The following MACROD2 variants were observed in gnomAD, a reference collection of about 807,000 sequenced individuals.
The protein encoded by MACROD2 is ADP-ribose glycohydrolase MACROD2.
MACROD2 carries 36 observed loss-of-function variants against 70.4 expected under a neutral mutation model. The observed-to-expected ratio is 0.51, with a 90% CI of 0.39 to 0.68. The LOEUF (loss-of-function observed/expected upper bound fraction) is 0.68, where lower values mean the gene tolerates loss of function less well. Among genes scored for constraint, MACROD2 ranks in the 30% least tolerant of loss-of-function variants. MACROD2 has a pLI of 0.00. For synonymous variants in MACROD2, 172 were observed against 178.8 expected (o/e 0.96, Z 0.30); for missense variants, 496 against 538.4 (o/e 0.92, Z 0.78).
intron 6 of MACROD2, among the ~76,000 whole-genome samples, chr20:15,278,497 G>T (rs900174912): frequency 6.6e-6 from 1 of 152,202 alleles, no homozygotes; most frequent in Non-Finnish European, 1.5e-5. Context: ...GCCCTGAGTC[G>T]TTGGGAAGTT....
chr20:14,072,805 A>G (rs990254940), intron 2 of MACROD2, among the ~76,000 whole-genome samples: 12 of 151,842 alleles, frequency 7.9e-5, no homozygotes, highest in Non-Finnish European at 1.0e-4. Context: ...GTGGTGGCGG[A>G]CGCCTATAGT....
At chr20:14,860,537 G>C (rs2073304109) in intron 5 of MACROD2, among the ~76,000 whole-genome samples, 1 of 152,116 alleles carries the variant, frequency 6.6e-6, no homozygotes. Context: ...CCTGCTCTCT[G>C]TGATCTGGGA....
At chr20:14,264,344 G>A (rs1173550063) in intron 3 of MACROD2, among the ~76,000 whole-genome samples, 1 of 152,128 alleles carries the variant, frequency 6.6e-6, no homozygotes, top group East Asian at 1.9e-4. Flanking sequence ...TTTGGAAGGG[G>A]AACAGTTCTA....
rs557708980 is a variant in MACROD2 at position 14,605,793 on chromosome 20, A to G, written c.302-79050A>G. 1.7e-3 allele frequency among the ~76,000 whole-genome samples: 254 copies of G among 152,232 alleles called. 1 individual carries two copies. The highest frequency in any genetic ancestry group is 5.7e-3 in the African/African-American group (237 of 41,552). ...TTGACTTATTGTTTTATGATAATCA[A>G]TTTTCTAAGAGTTACTTCTCAAAAT... On this transcript the variant is annotated intron_variant, in intron 4 of 17. Transcript: ENST00000684519.
chr20:14,686,006 T>C (rs760757285), intron 5 of MACROD2, among the ~76,000 whole-genome samples: 11 of 152,194 alleles, frequency 7.2e-5, no homozygotes, highest in African/African-American at 2.4e-4. Flanking sequence ...TGAGGACTTG[T>C]AGCAAATAGT....
intron 2 of MACROD2, among the ~76,000 whole-genome samples, chr20:14,067,123 GTTTTTTTTTTT>G (rs544348706): frequency 1.2e-5 from 1 of 85,048 alleles, no homozygotes; most frequent in African/African-American, 4.7e-5. Context: ...ATTTTTTAGT[GTTTTTTTTTTT>G]TTTTTTTTGA....
rs953357348 is a variant in MACROD2, at chr20:15,186,114, C to CT, written c.419-43818dup. Among the ~76,000 whole-genome samples, 44 of 152,082 alleles carry CT rather than the reference C, an allele frequency of 2.9e-4. 1 individual carries two copies. The highest frequency in any genetic ancestry group is 6.5e-4 in the African/African-American group (27 of 41,492). On this transcript the variant is annotated intron_variant, in intron 5 of 17. Coordinates refer to ENST00000684519, the MANE Select transcript of MACROD2 (RefSeq NM_001351661.2). ...TATGCTTATCATGCAGTGAAAACAC[C>CT]TTTTTTTTCTGGAGCGCCCTGAACT...
At chr20:15,506,086 C>T (rs1298597627) in intron 8 of MACROD2, among the ~76,000 whole-genome samples, 3 of 152,174 alleles carry the variant, frequency 2.0e-5, no homozygotes, top group Non-Finnish European at 4.4e-5. Context: ...GACAGATGTC[C>T]AGCTCGGCAA....
intron 3 of MACROD2, among the ~76,000 whole-genome samples, chr20:14,201,943 GCTAATAATATGTAAT>G: frequency 2.0e-5 from 3 of 151,340 alleles, no homozygotes; most frequent in African/African-American, 7.3e-5. Context: ...AATATATATT[GCTAATAATATGTAAT>G]TTAATATTTC....
At chr20:14,113,813 G>A (rs897254998) in intron 3 of MACROD2, among the ~76,000 whole-genome samples, 11 of 152,096 alleles carry the variant, frequency 7.2e-5, no homozygotes, top group Non-Finnish European at 1.5e-4. Flanking sequence ...TTTCTCTTAT[G>A]ATTCCCTTTG....
chr20:15,778,919 T>C (rs892851467), intron 8 of MACROD2, among the ~76,000 whole-genome samples: 4 of 152,148 alleles, frequency 2.6e-5, no homozygotes, highest in Non-Finnish European at 4.4e-5. Flanking sequence ...TGAAATATTA[T>C]GGAAACTTTA....
In MACROD2 at chr20:14,461,314, C is replaced by A. The variant is rs1050725556; in HGVS notation, c.272-32165C>A. Among the ~76,000 whole-genome samples the A allele has an allele frequency of 2.8e-4, 42 of 151,886 alleles. 3 individuals are homozygous for A. Among genetic ancestry groups the A allele is most frequent in the Admixed American group, 2.1e-3 (32 of 15,242 alleles). ...TATTGTGTCTATTTGATTCTTCTGT[C>A]TTTTCTTCTTTAACAGTCTGGCTAG... On this transcript the variant is annotated intron_variant, in intron 3 of 17. Transcript: ENST00000684519.
chr20:14,594,620 G>A (rs183093383), intron 4 of MACROD2, among the ~76,000 whole-genome samples: 4 of 152,274 alleles, frequency 2.6e-5, no homozygotes, highest in Admixed American at 6.5e-5. Flanking sequence ...AAGACTGGGC[G>A]CGGTGGCTCA....
intron 2 of MACROD2, among the ~76,000 whole-genome samples, chr20:14,002,709 G>C (rs2052750004): frequency 6.6e-6 from 1 of 151,974 alleles, no homozygotes; most frequent in Admixed American, 6.6e-5. Flanking sequence ...TTGCTGCTTT[G>C]GTGGTGTGGC....
At chr20:16,041,075 C>T (rs6135652) in intron 15 of MACROD2, 126 bp from the exon 16 acceptor site, 289,003 of 777,114 alleles carry the variant, frequency 0.37, 55,048 homozygotes, top group East Asian at 0.5. Context: ...ACCTTTTCTG[C>T]AAAAGAAGTT....
intron 8 of MACROD2, among the ~76,000 whole-genome samples, chr20:15,607,302 G>A (rs146521761): frequency 3.9e-4 from 59 of 152,254 alleles, no homozygotes; most frequent in East Asian, 9.6e-4. Flanking sequence ...ATAATTTGGC[G>A]TATTCATGAG....
chr20:14,436,912 C>G (rs1488419954), intron 3 of MACROD2, among the ~76,000 whole-genome samples: 1 of 152,266 alleles, frequency 6.6e-6, no homozygotes, highest in South Asian at 2.1e-4. Flanking sequence ...AGATCTTAGT[C>G]ATTAACTTTG....
chr20:15,407,813 C>T (rs1012805007), intron 6 of MACROD2, among the ~76,000 whole-genome samples: 1 of 152,180 alleles, frequency 6.6e-6, no homozygotes, highest in Non-Finnish European at 1.5e-5. Context: ...GGTGTAGTTA[C>T]TAGAATCACA....
intron 5 of MACROD2, among the ~76,000 whole-genome samples, chr20:14,860,599 T>C (rs1401003311): frequency 6.6e-6 from 1 of 152,108 alleles, no homozygotes; most frequent in Non-Finnish European, 1.5e-5. Flanking sequence ...TGCCCTCCAG[T>C]TCTCACTGGC....
Sources: gnomAD v4.1 joint callset for allele counts (sites outside exome capture counted in the v4.1 genomes callset) on GRCh38, gnomAD v4.1.1 for gene constraint, MANE v1.5 for transcripts, NCBI Gene and HGNC (gene_info 2026-07-23, HGNC 2026-07-21) for gene names.